The following SOX5 variants were observed in gnomAD, a reference collection of about 807,000 sequenced individuals.
The protein encoded by SOX5 is SRY-box transcription factor 5.
In SOX5, 9 loss-of-function variants were observed where a neutral mutation model predicts 92.0. That is an observed-to-expected ratio of 0.10 (90% CI 0.06 to 0.17). The LOEUF (loss-of-function observed/expected upper bound fraction) is 0.17, where lower values mean the gene tolerates loss of function less well. SOX5 is among the 10% of genes least tolerant of loss of function. SOX5 has a pLI of 1.00. For synonymous variants in SOX5, 344 were observed against 336.3 expected, an observed-to-expected ratio of 1.02 and a Z score of -0.25; for missense variants, 642 against 944.5, an observed-to-expected ratio of 0.68 and a Z score of 4.20.
At chr12:24,202,203 A>C (rs751710774) in intron 4 of SOX5, among the ~76,000 whole-genome samples, 3 of 152,236 alleles carry the variant, frequency 2.0e-5, no homozygotes, top group Non-Finnish European at 4.4e-5. Flanking sequence ...ACAGTGTAAC[A>C]TACCTATCAC....
intron 8 of SOX5, among the ~76,000 whole-genome samples, chr12:23,623,154 T>A (rs2077377677): frequency 6.6e-6 from 1 of 152,122 alleles, no homozygotes. Flanking sequence ...AGCAAAAACA[T>A]TTTTTGAAAG....
chr12:23,803,814 T>C (rs1338444532), intron 3 of SOX5, among the ~76,000 whole-genome samples: 1 of 152,176 alleles, frequency 6.6e-6, no homozygotes, highest in Non-Finnish European at 1.5e-5. Context: ...GAATGGGTTT[T>C]TTTTAGCTGA....
At chr12:24,547,970 A>C (rs761178665) in intron 1 of SOX5, among the ~76,000 whole-genome samples, 1 of 152,216 alleles carries the variant, frequency 6.6e-6, no homozygotes, top group Non-Finnish European at 1.5e-5. Context: ...CAGGGTTCTG[A>C]CTTCAAAGAA....
At chr12:24,220,585 CA>C (rs1306038853) in intron 3 of SOX5, among the ~76,000 whole-genome samples, 3 of 151,978 alleles carry the variant, frequency 2.0e-5, no homozygotes, top group African/African-American at 4.8e-5. Flanking sequence ...TTAAACGGGG[CA>C]AAAAAATGTT....
chr12:24,288,911 G>C (rs1479626175), intron 2 of SOX5, among the ~76,000 whole-genome samples: 5 of 124,478 alleles, frequency 4.0e-5, no homozygotes, highest in Non-Finnish European at 6.7e-5. Flanking sequence ...TTTATTCTTT[G>C]CCACAGTTCA....
At chr12:23,564,431 A>T (rs1397195031) in intron 10 of SOX5, among the ~76,000 whole-genome samples, 1 of 152,220 alleles carries the variant, frequency 6.6e-6, no homozygotes, top group African/African-American at 2.4e-5. Context: ...GAAACTGCCC[A>T]GAAAAGGGAC....
chr12:23,784,184 T>G (rs1300804619), intron 3 of SOX5, among the ~76,000 whole-genome samples: 1 of 152,212 alleles, frequency 6.6e-6, no homozygotes, highest in African/African-American at 2.4e-5. Flanking sequence ...CTGGCTCTTT[T>G]ATCAATCACT....
At chr12:23,936,206 G>A (rs1399889604) in intron 1 of SOX5, among the ~76,000 whole-genome samples, 1 of 150,966 alleles carries the variant, frequency 6.6e-6, no homozygotes, top group Non-Finnish European at 1.5e-5. Flanking sequence ...TTAAGAAACT[G>A]TGTGTAGTAT....
chr12:24,163,712 C>G (rs1953049724), intron 4 of SOX5, among the ~76,000 whole-genome samples: 3 of 151,916 alleles, frequency 2.0e-5, no homozygotes, highest in Admixed American at 2.0e-4. Flanking sequence ...GAAAAGTTAG[C>G]AGCAGCCAAT....
At chr12:23,584,876 G>A (rs1950511165) in intron 9 of SOX5, among the ~76,000 whole-genome samples, 1 of 151,936 alleles carries the variant, frequency 6.6e-6, no homozygotes. Flanking sequence ...ATTTTATTGT[G>A]TTGTTTTCTT....
intron 4 of SOX5, among the ~76,000 whole-genome samples, chr12:24,000,681 G>T (rs982595029): frequency 6.6e-6 from 1 of 152,102 alleles, no homozygotes; most frequent in African/African-American, 2.4e-5. Context: ...AATGGAAATG[G>T]CAGGTGTATA....
At chr12:24,108,176 A>C (rs11047262) in intron 4 of SOX5, among the ~76,000 whole-genome samples, 6,930 of 152,320 alleles carry the variant, frequency 0.045, 168 homozygotes, top group Non-Finnish European at 0.05. Flanking sequence ...TCACCGTTTC[A>C]GTGATCCAAG....
intron 3 of SOX5, among the ~76,000 whole-genome samples, chr12:24,244,818 A>T (rs1938294399): frequency 6.6e-6 from 1 of 152,092 alleles, no homozygotes; most frequent in Admixed American, 6.6e-5. Context: ...TCAGCCTCCC[A>T]AGTGGTGGGA....
chr12:23,904,945 T>G (rs191744874), intron 1 of SOX5, among the ~76,000 whole-genome samples: 1 of 152,070 alleles, frequency 6.6e-6, no homozygotes, highest in Non-Finnish European at 1.5e-5. Context: ...GAGGATTAGA[T>G]GCGCAAAACA....
intron 10 of SOX5, among the ~76,000 whole-genome samples, chr12:23,570,484 T>A (rs1947973226): frequency 6.6e-6 from 1 of 152,096 alleles, no homozygotes; most frequent in Admixed American, 6.5e-5. Flanking sequence ...GTATAAATTT[T>A]GCTTATTAAA....
intron 1 of SOX5, among the ~76,000 whole-genome samples, chr12:23,923,144 A>C (rs1399336112): frequency 2.6e-5 from 4 of 151,894 alleles, no homozygotes; most frequent in Admixed American, 6.6e-5. Flanking sequence ...ACGAGGTTTC[A>C]CCGTGTTAGC....
intron 6 of SOX5, among the ~76,000 whole-genome samples, chr12:23,724,858 C>T (rs2093031351): frequency 2.6e-5 from 4 of 152,172 alleles, no homozygotes; most frequent in African/African-American, 9.7e-5. Flanking sequence ...AGTTCAATCA[C>T]ATTTAAAAGA....
chr12:23,614,020 C>T (rs754130977), intron 8 of SOX5, among the ~76,000 whole-genome samples: 1 of 152,112 alleles, frequency 6.6e-6, no homozygotes, highest in Non-Finnish European at 1.5e-5. Flanking sequence ...GCCTGTGTCC[C>T]TCCTCTTCCC....
intron 4 of SOX5, among the ~76,000 whole-genome samples, chr12:24,154,398 C>T (rs930473591): frequency 2.0e-5 from 3 of 152,042 alleles, no homozygotes; most frequent in African/African-American, 4.8e-5. Context: ...AAGATACATG[C>T]GTAATGCAAA....
Sources: allele counts gnomAD v4.1 joint callset (sites outside exome capture counted in the v4.1 genomes callset), GRCh38; gene constraint gnomAD v4.1.1; transcripts MANE v1.5; gene names NCBI Gene and HGNC (gene_info 2026-07-23, HGNC 2026-07-21).